CCSER1: variants seen among roughly 807,000 people sequenced by gnomAD.
CCSER1 encodes serine-rich coiled-coil domain-containing protein 1.
A neutral mutation model predicts 82.0 loss-of-function variants in CCSER1; 41 were observed. That is an observed-to-expected ratio of 0.50 (90% CI 0.39 to 0.65). The LOEUF (loss-of-function observed/expected upper bound fraction) is 0.65. Ranked by LOEUF, CCSER1 falls within the 30% of genes least tolerant of loss-of-function variation. CCSER1 has a pLI of 0.00. For missense variants in CCSER1, 1,119 were observed against 1,064.2 expected (o/e 1.05, Z -0.72); for synonymous variants, 414 against 383.9 (o/e 1.08, Z -0.92).
chr4:90,186,689 A>G (rs1031898912), intron 1 of CCSER1, among the ~76,000 whole-genome samples: 5 of 151,880 alleles, frequency 3.3e-5, no homozygotes, highest in East Asian at 1.9e-4. Context: ...CCTTTAGCCT[A>G]TGAATCTCTA....
chr4:91,367,130 C>CA (rs70965488), intron 10 of CCSER1, among the ~76,000 whole-genome samples: 22,964 of 63,330 alleles, frequency 0.36, 3,255 homozygotes, highest in East Asian at 0.57. Flanking sequence ...ACCATCTCTC[C>CA]AAAAAAAAAA....
chr4:90,941,935 T>C (rs1368073370), intron 9 of CCSER1, among the ~76,000 whole-genome samples: 2 of 151,458 alleles, frequency 1.3e-5, no homozygotes, highest in African/African-American at 2.4e-5. Context: ...TTCTATTTTT[T>C]TTTCGTTTGT....
At chr4:90,187,030 T>C (rs1734738328) in intron 1 of CCSER1, among the ~76,000 whole-genome samples, 1 of 152,034 alleles carries the variant, frequency 6.6e-6, no homozygotes, top group Non-Finnish European at 1.5e-5. Flanking sequence ...TAATGCATCT[T>C]AATGACTGTT....
chr4:90,985,587 T>C (rs1405833349), intron 9 of CCSER1, among the ~76,000 whole-genome samples: 1 of 151,690 alleles, frequency 6.6e-6, no homozygotes, highest in African/African-American at 2.4e-5. Context: ...ATACAATAGG[T>C]GCTTCTAATT....
intron 10 of CCSER1, among the ~76,000 whole-genome samples, chr4:91,286,375 G>A (rs377417088): frequency 6.6e-6 from 1 of 151,792 alleles, no homozygotes. Flanking sequence ...CTTGATGAAG[G>A]TTCACTAAGT....
chr4:90,607,695 G>A (rs1028685889), intron 5 of CCSER1, among the ~76,000 whole-genome samples: 9 of 152,120 alleles, frequency 5.9e-5, no homozygotes, highest in African/African-American at 2.2e-4. Context: ...CATCTGCAAT[G>A]ACTCTTTTCC....
chr4:90,324,031 G>T (rs1304515705), intron 3 of CCSER1, among the ~76,000 whole-genome samples: 2 of 152,150 alleles, frequency 1.3e-5, no homozygotes, highest in African/African-American at 4.8e-5. Context: ...AGTATTCCAT[G>T]GTGTATAGGT....
At chr4:90,734,565 A>C (rs775814568) in intron 7 of CCSER1, among the ~76,000 whole-genome samples, 15 of 152,242 alleles carry the variant, frequency 9.9e-5, no homozygotes, top group Non-Finnish European at 2.1e-4. Context: ...ATTTTTGTTT[A>C]TAGCTATTGT....
rs1261161500 is a variant in CCSER1, at chr4:90,460,108, C to T, written c.1604-8126C>T. On this transcript the variant is annotated intron_variant, in intron 4 of 10. Transcript: ENST00000509176. ...TTGGGAGGCCAAGACGGGCGGATCA[C>T]GAGGTCAGGAGATCGAGACCATCCT... 2.1e-5 allele frequency among the ~76,000 whole-genome samples: 3 copies of T among 146,010 alleles called. 1 individual carries two copies. The highest frequency in any genetic ancestry group is 2.9e-5 in the Non-Finnish European group (2 of 67,908).
rs374963951 is a variant in CCSER1, at chr4:91,348,729, T to C, written c.2218-249843T>C. Among the ~76,000 whole-genome samples, 72 of 152,240 alleles carry C rather than the reference T, an allele frequency of 4.7e-4. 1 individual carries two copies. In the South Asian group the frequency reaches 6.2e-3, roughly 13 times the overall value. ...CATTTCATCCAGGTTATCAAATGTG[T>C]GGGCACATAGTTGTTCACAATATTT... On this transcript the variant is annotated intron_variant, in intron 10 of 10. Coordinates refer to ENST00000509176, the MANE Select transcript of CCSER1 (RefSeq NM_001145065.2).
chr4:90,453,955 A>G (rs1050672569), intron 4 of CCSER1, among the ~76,000 whole-genome samples: 5 of 152,172 alleles, frequency 3.3e-5, no homozygotes, highest in African/African-American at 1.2e-4. Context: ...AGAGCCAGGT[A>G]GAGGAGCCCT....
intron 9 of CCSER1, among the ~76,000 whole-genome samples, chr4:91,001,579 C>T (rs543891611): frequency 6.6e-6 from 1 of 152,236 alleles, no homozygotes; most frequent in East Asian, 1.9e-4. Context: ...GCTACTCCTG[C>T]TTACTTTTGG....
chr4:90,212,611 T>C (rs905864816), intron 1 of CCSER1, among the ~76,000 whole-genome samples: 2 of 152,330 alleles, frequency 1.3e-5, no homozygotes, highest in East Asian at 3.9e-4. Context: ...GAAAGTTGTT[T>C]ACTAGAACTA....
At chr4:90,399,348 C>A (rs1392509527) in intron 3 of CCSER1, among the ~76,000 whole-genome samples, 1 of 152,018 alleles carries the variant, frequency 6.6e-6, no homozygotes, top group Admixed American at 6.6e-5. Context: ...TGGTATAATG[C>A]AAGTCAATAA....
chr4:90,893,185 C>T (rs1723198240), intron 8 of CCSER1, among the ~76,000 whole-genome samples: 1 of 148,982 alleles, frequency 6.7e-6, no homozygotes, highest in Admixed American at 6.7e-5. Flanking sequence ...AGGACATGGG[C>T]TTTCTAACAG....
At chr4:91,078,277 G>T (rs1722250022) in intron 9 of CCSER1, among the ~76,000 whole-genome samples, 1 of 152,174 alleles carries the variant, frequency 6.6e-6, no homozygotes, top group South Asian at 2.1e-4. Context: ...AACATTTGCT[G>T]TTCTGCAGCC....
intron 10 of CCSER1, among the ~76,000 whole-genome samples, chr4:91,144,466 C>G (rs192862253): frequency 6.6e-6 from 1 of 151,590 alleles, no homozygotes; most frequent in Non-Finnish European, 1.5e-5. Flanking sequence ...TCGTTTAGTT[C>G]TATTTGGATT....
At chr4:90,792,710 C>T (rs550490598) in intron 7 of CCSER1, among the ~76,000 whole-genome samples, 13 of 152,330 alleles carry the variant, frequency 8.5e-5, no homozygotes, top group South Asian at 4.1e-4. Context: ...ATAGGTTGCA[C>T]GTCGGGGCAG....
intron 5 of CCSER1, among the ~76,000 whole-genome samples, chr4:90,627,051 C>A (rs1723423436): frequency 6.6e-6 from 1 of 152,034 alleles, no homozygotes; most frequent in South Asian, 2.1e-4. Flanking sequence ...AGTACTTGGC[C>A]AATAGTCAAC....
Sources: gnomAD v4.1 joint callset for allele counts (sites outside exome capture counted in the v4.1 genomes callset) on GRCh38, gnomAD v4.1.1 for gene constraint, MANE v1.5 for transcripts, NCBI Gene and HGNC (gene_info 2026-07-23, HGNC 2026-07-21) for gene names.